The following KIF6 variants were observed in gnomAD, a reference collection of about 807,000 sequenced individuals.
KIF6 encodes the protein kinesin family member 6, also known as kinesin-like protein KIF6.
A neutral mutation model predicts 112.7 loss-of-function variants in KIF6; 106 were observed. That is an observed-to-expected ratio of 0.94 (90% CI 0.80 to 1.11). KIF6 has a LOEUF of 1.11. Among genes scored for constraint, KIF6 ranks in the 50% least tolerant of loss-of-function variants. The pLI, the probability that KIF6 is intolerant of heterozygous loss-of-function variation, is 0.00. For missense variants in KIF6, 929 were observed against 964.0 expected (o/e 0.96, Z 0.48); for synonymous variants, 339 against 339.9 (o/e 1.00, Z 0.03).
At chr6:39,404,386 G>A (rs1768932153) in intron 15 of KIF6, among the ~76,000 whole-genome samples, 1 of 150,838 alleles carries the variant, frequency 6.6e-6, no homozygotes, top group South Asian at 2.1e-4. Flanking sequence ...TTTTCCTTCA[G>A]TACATGGATA....
intron 13 of KIF6, among the ~76,000 whole-genome samples, chr6:39,479,669 T>G (rs1239701675): frequency 1.3e-5 from 2 of 152,230 alleles, no homozygotes; most frequent in East Asian, 1.9e-4. Context: ...TTGCATTGAA[T>G]TTGTAGATTG....
intron 13 of KIF6, among the ~76,000 whole-genome samples, chr6:39,521,822 T>C (rs1192718697): frequency 6.6e-6 from 1 of 152,212 alleles, no homozygotes; most frequent in Non-Finnish European, 1.5e-5. Context: ...CTAGATCTGC[T>C]GCACTTACCA....
intron 5 of KIF6, among the ~76,000 whole-genome samples, chr6:39,631,589 T>C (rs992545027): frequency 1.3e-5 from 2 of 152,160 alleles, no homozygotes; most frequent in African/African-American, 4.8e-5. Context: ...CTGTGCAATC[T>C]AGAATTAATC....
At chr6:39,537,785 C>G (rs1778533615) in intron 13 of KIF6, among the ~76,000 whole-genome samples, 2 of 152,190 alleles carry the variant, frequency 1.3e-5, no homozygotes, top group Non-Finnish European at 1.5e-5. Context: ...AAGAACAAAG[C>G]TGGAGGCATC....
intron 12 of KIF6, among the ~76,000 whole-genome samples, chr6:39,541,373 T>C (rs1778776123): frequency 6.6e-6 from 1 of 152,218 alleles, no homozygotes; most frequent in Admixed American, 6.5e-5. Context: ...AGCTTCTTAG[T>C]GTCTAAGCAT....
intron 13 of KIF6, among the ~76,000 whole-genome samples, chr6:39,527,137 A>G (rs1296608319): frequency 1.3e-5 from 2 of 152,194 alleles, no homozygotes; most frequent in African/African-American, 4.8e-5. Flanking sequence ...GAGTAAAACA[A>G]ACTCAAGGAA....
In KIF6 at chr6:39,335,534, T is replaced by C. The variant is rs944240880; in HGVS notation, c.*998A>G. ...TATAGGACAGAGACACCAGGAGCAG[T>C]GGACCAGCACTTTTATCCAGTTAGC... is the stretch of plus-strand genomic sequence containing the variant. On this transcript the variant is annotated 3_prime_UTR_variant, in exon 23 of 23. Transcript: ENST00000287152. 6.6e-6 allele frequency: 1 copy of C among 151,966 alleles called. No individual in the cohort carries two copies. Among genetic ancestry groups the C allele is most frequent in the South Asian group, 2.1e-4 (1 of 4,786 alleles). 9.4% of individuals were successfully genotyped at this position (151,966 alleles called of 1,614,324 possible).
intron 3 of KIF6, among the ~76,000 whole-genome samples, chr6:39,671,258 T>C (rs1786801165): frequency 6.6e-6 from 1 of 152,218 alleles, no homozygotes; most frequent in African/African-American, 2.4e-5. Context: ...ATTTGTAGTA[T>C]TTGTAGACTC....
intron 12 of KIF6, among the ~76,000 whole-genome samples, chr6:39,541,122 T>C (rs548303745): frequency 6.6e-6 from 1 of 152,298 alleles, no homozygotes; most frequent in Non-Finnish European, 1.5e-5. Flanking sequence ...GTGGTATGTG[T>C]CCTAAAGGGT....
rs1782235440 is a variant in KIF6, at chr6:39,596,054, C to T, written c.846G>A (p.Gln282=). Residue 282 remains glutamine, a splice_region_variant and synonymous_variant, in exon 7 of 23, where the codon CAG becomes CAA. Transcript: ENST00000287152. ...YINLSLHYLE[Q]VIIALSEKHR... is the part of the protein sequence containing the mutation. ...ATACATCCCACTCTGCCCATTTTAC[C>T]TGTTCTAAGTAATGTAGTGACAAGT... The T allele has an allele frequency of 6.2e-7, 1 of 1,612,298 alleles. No homozygotes were observed. The highest frequency in any genetic ancestry group is 8.5e-7 in the Non-Finnish European group (1 of 1,178,620).
chr6:39,337,861 C>T (rs1170246267), intron 22 of KIF6, among the ~76,000 whole-genome samples: 6 of 152,180 alleles, frequency 3.9e-5, no homozygotes, highest in Non-Finnish European at 7.3e-5. Flanking sequence ...CCTAACATTT[C>T]TCTTTGCTGG....
chr6:39,605,515 G>A (rs1389748939), intron 6 of KIF6, among the ~76,000 whole-genome samples: 1 of 151,962 alleles, frequency 6.6e-6, no homozygotes, highest in African/African-American at 2.4e-5. Flanking sequence ...TTACTATCCT[G>A]TGTATAAACA....
chr6:39,421,611 T>C (rs916071468), intron 14 of KIF6, among the ~76,000 whole-genome samples: 1 of 152,192 alleles, frequency 6.6e-6, no homozygotes, highest in African/African-American at 2.4e-5. Flanking sequence ...GTCATTGCTA[T>C]TTTCCAAATC....
At chr6:39,495,725 G>A (rs1464888552) in intron 13 of KIF6, among the ~76,000 whole-genome samples, 1 of 152,192 alleles carries the variant, frequency 6.6e-6, no homozygotes, top group Non-Finnish European at 1.5e-5. Flanking sequence ...TTTTTACGGG[G>A]AGGATGTAGT....
intron 4 of KIF6, among the ~76,000 whole-genome samples, chr6:39,635,791 T>C (rs532218758): frequency 1.2e-4 from 19 of 152,152 alleles, no homozygotes; most frequent in African/African-American, 4.1e-4. Context: ...GAAAGTTCAG[T>C]TTTCAATACA....
chr6:39,654,967 A>C (rs1785686343), intron 3 of KIF6, among the ~76,000 whole-genome samples: 1 of 152,200 alleles, frequency 6.6e-6, no homozygotes, highest in Non-Finnish European at 1.5e-5. Context: ...TGCTGGAAGG[A>C]ACAACAGTCT....
intron 1 of KIF6, among the ~76,000 whole-genome samples, chr6:39,724,896 G>A (rs561681784): frequency 6.6e-6 from 1 of 152,304 alleles, no homozygotes; most frequent in Non-Finnish European, 1.5e-5. Flanking sequence ...TTCCCAGAAA[G>A]GTGCAATAAG....
intron 14 of KIF6, among the ~76,000 whole-genome samples, chr6:39,429,324 A>G (rs1770974436): frequency 6.6e-6 from 1 of 151,898 alleles, no homozygotes; most frequent in South Asian, 2.1e-4. Flanking sequence ...CTTCTTTTTC[A>G]CAGAGAAAAC....
intron 15 of KIF6, among the ~76,000 whole-genome samples, chr6:39,397,965 T>C (rs1768396867): frequency 1.3e-5 from 2 of 152,120 alleles, no homozygotes; most frequent in Non-Finnish European, 2.9e-5. Flanking sequence ...TATGCAAAGA[T>C]AAAAATAATT....
Sources: allele counts gnomAD v4.1 joint callset (sites outside exome capture counted in the v4.1 genomes callset), GRCh38; gene constraint gnomAD v4.1.1; transcripts MANE v1.5; gene names NCBI Gene and HGNC (gene_info 2026-07-23, HGNC 2026-07-21).